EHMT1: variants seen among roughly 807,000 people sequenced by gnomAD.
EHMT1 encodes the protein euchromatic histone lysine methyltransferase 1, also known as histone-lysine N-methyltransferase EHMT1.
Under a neutral mutation model 147.2 loss-of-function variants are expected in EHMT1, and 15 were observed. That is an observed-to-expected ratio of 0.10 (90% CI 0.07 to 0.16). EHMT1 has a LOEUF of 0.16. Among genes scored for constraint, EHMT1 ranks in the 10% least tolerant of loss-of-function variants. EHMT1 has a pLI of 1.00. For missense variants in EHMT1, 1,587 were observed against 1,772.4 expected (o/e 0.90, Z 1.88); for synonymous variants, 795 against 709.6 (o/e 1.12, Z -1.91).
rs1320337486 is a variant in EHMT1 at position 137,790,981 on chromosome 9, C to T, written c.2505+11C>T. The T allele has an allele frequency of 1.9e-6, 3 of 1,614,210 alleles. No homozygotes were observed. The highest frequency in any genetic ancestry group is 2.5e-6 in the Non-Finnish European group (3 of 1,180,042). On this transcript the variant is annotated intron_variant, in intron 16 of 26. Coordinates refer to ENST00000460843, the MANE Select transcript of EHMT1 (RefSeq NM_024757.5). Reference sequence around the variant, plus strand: ...CTGGTGGATCCCAAGGTATGTTCCCCTGTCAGAATCAACGTCCTAGTGTGT... The same window carrying T: ...CTGGTGGATCCCAAGGTATGTTCCCTTGTCAGAATCAACGTCCTAGTGTGT...
intron 1 of EHMT1, among the ~76,000 whole-genome samples, chr9:137,666,387 G>A (rs1589165761): frequency 6.6e-6 from 1 of 152,232 alleles, no homozygotes. Flanking sequence ...TATAAAGAGC[G>A]TGCTTGAACT....
intron 10 of EHMT1, chr9:137,763,190 T>G: frequency 2.7e-6 from 1 of 364,378 alleles, no homozygotes; most frequent in Admixed American, 4.9e-5. Flanking sequence ...GAACTGTGGT[T>G]TCCTGCAGGG....
chr9:137,724,399 C>A (rs993668889), intron 3 of EHMT1, among the ~76,000 whole-genome samples: 2 of 152,174 alleles, frequency 1.3e-5, no homozygotes, highest in Non-Finnish European at 1.5e-5. Flanking sequence ...ATGGGCCGGC[C>A]GTGCTGCCTC....
At chr9:137,666,676 C>G (rs1939692013) in intron 1 of EHMT1, among the ~76,000 whole-genome samples, 1 of 152,226 alleles carries the variant, frequency 6.6e-6, no homozygotes, top group Non-Finnish European at 1.5e-5. Context: ...GAGCCTCCCC[C>G]TCGGAGCCTG....
chr9:137,643,201 T>A (rs968783841), intron 1 of EHMT1, among the ~76,000 whole-genome samples: 61 of 152,078 alleles, frequency 4.0e-4, no homozygotes, highest in African/African-American at 1.4e-3. Context: ...TCTCTATTCA[T>A]GTGGGCTTGA....
rs939086497 is a variant in EHMT1 at position 137,690,622 on chromosome 9, T to C, written c.22-20345T>C. Among the ~76,000 whole-genome samples the C allele has an allele frequency of 4.8e-4, 73 of 152,050 alleles. 1 individual carries two copies. The highest frequency in any genetic ancestry group is 2.1e-4 in the Non-Finnish European group (14 of 68,014). The stretch of plus-strand genomic sequence containing the variant: ...TCTTGCTGTGTCGCCCAGGCTGGAG[T>C]GCAGTGGCGCGATCTCGGCTCACTG... On this transcript the variant is annotated intron_variant, in intron 1 of 26. Coordinates refer to ENST00000460843, the MANE Select transcript of EHMT1 (RefSeq NM_024757.5).
At chr9:137,710,452 G>A (rs182245518) in intron 1 of EHMT1, among the ~76,000 whole-genome samples, 4 of 152,314 alleles carry the variant, frequency 2.6e-5, no homozygotes, top group Non-Finnish European at 5.9e-5. Flanking sequence ...CAGCCTGGGC[G>A]AGAGAGTGAA....
At chr9:137,664,108 TG>T (rs1353825674) in intron 1 of EHMT1, among the ~76,000 whole-genome samples, 1 of 152,114 alleles carries the variant, frequency 6.6e-6, no homozygotes, top group African/African-American at 2.4e-5. Flanking sequence ...TCTCATTGTG[TG>T]GCCCAGGCTG....
intron 1 of EHMT1, among the ~76,000 whole-genome samples, chr9:137,674,038 GC>G (rs1940971816): frequency 1.3e-5 from 2 of 152,192 alleles, no homozygotes; most frequent in Non-Finnish European, 2.9e-5. Flanking sequence ...AGCTAAAGCT[GC>G]TTTTTTCACA....
At chr9:137,645,717 G>A (rs1844837953) in intron 1 of EHMT1, among the ~76,000 whole-genome samples, 1 of 152,042 alleles carries the variant, frequency 6.6e-6, no homozygotes, top group African/African-American at 2.4e-5. Context: ...TGTACTTGCA[G>A]CGCTGAGTGG....
chr9:137,733,600 C>CAGG (rs1947296778), intron 4 of EHMT1, among the ~76,000 whole-genome samples: 1 of 152,190 alleles, frequency 6.6e-6, no homozygotes, highest in African/African-American at 2.4e-5. Flanking sequence ...TGCGGTGTTC[C>CAGG]TGGAACAGTG....
rs113668734 is a variant in EHMT1, at chr9:137,793,453, C to T, written c.2505+2483C>T. Among the ~76,000 whole-genome samples the T allele has an allele frequency of 5.8e-3, 883 of 152,348 alleles. 8 individuals are homozygous for T. Among genetic ancestry groups the T allele is most frequent in the African/African-American group, 0.019 (774 of 41,578 alleles). On this transcript the variant is annotated intron_variant, in intron 16 of 26. Transcript: ENST00000460843. ...CACGCGTTGCTAGTGGGGATGTAAA[C>T]GCTGCAGCCATTGTGGAAACCAGTC...
intron 4 of EHMT1, among the ~76,000 whole-genome samples, chr9:137,735,494 A>C (rs1318134969): frequency 6.6e-6 from 1 of 152,250 alleles, no homozygotes; most frequent in African/African-American, 2.4e-5. Context: ...GGGACGAAAA[A>C]AGCTATAATA....
chr9:137,769,097 A>G (rs979314298), intron 10 of EHMT1, among the ~76,000 whole-genome samples: 1 of 152,202 alleles, frequency 6.6e-6, no homozygotes, highest in Non-Finnish European at 1.5e-5. Flanking sequence ...TGGAGTGTAC[A>G]ATACACATCT....
In EHMT1 at chr9:137,716,878, A is replaced by T; in HGVS notation, c.338A>T (p.Asp113Val). The change falls in exon 3 of 27, where the codon GAC becomes GTC. Residue 113 changes from aspartate (D) to valine (V), a missense_variant. By Grantham distance (152) the Asp-to-Val change is radical. Coordinates refer to ENST00000460843, the MANE Select transcript of EHMT1 (RefSeq NM_024757.5). ...AAGCAAAACCACGTCACTGCCGACG[A>T]CTTTGTGCAGACTTCTGTCATCGGC... is the stretch of plus-strand genomic sequence containing the variant. ...AAKQNHVTADDFVQTSVIGSN... is the reference protein window; with the variant it reads ...AAKQNHVTADVFVQTSVIGSN... 1 of 1,613,278 alleles carries T rather than the reference A, an allele frequency of 6.2e-7. No homozygotes were observed. The highest frequency in any genetic ancestry group is 8.5e-7 in the Non-Finnish European group (1 of 1,179,912).
chr9:137,738,583 CT>C (rs1947763130), intron 4 of EHMT1: 1 of 152,118 alleles, frequency 6.6e-6, no homozygotes, highest in Non-Finnish European at 1.5e-5. Flanking sequence ...TGAAGAGATG[CT>C]TGTACACCCA....
intron 16 of EHMT1, among the ~76,000 whole-genome samples, chr9:137,791,795 A>G (rs890733068): frequency 3.9e-5 from 6 of 152,134 alleles, no homozygotes; most frequent in African/African-American, 1.4e-4. Flanking sequence ...GCAGTGGCAC[A>G]ATCTCGGCCT....
chr9:137,641,575 T>C (rs928311366), intron 1 of EHMT1: 5 of 294,712 alleles, frequency 1.7e-5, no homozygotes, highest in African/African-American at 6.8e-5. Flanking sequence ...AATTTGTCTA[T>C]GTTCGCTCTC....
intron 3 of EHMT1, among the ~76,000 whole-genome samples, chr9:137,724,135 G>C (rs1448644784): frequency 6.6e-6 from 1 of 152,224 alleles, no homozygotes; most frequent in Non-Finnish European, 1.5e-5. Flanking sequence ...CTCACCTCCT[G>C]GTACCCACTC....
Sources: allele counts gnomAD v4.1 joint callset (sites outside exome capture counted in the v4.1 genomes callset), GRCh38; gene constraint gnomAD v4.1.1; transcripts MANE v1.5; gene names NCBI Gene and HGNC (gene_info 2026-07-23, HGNC 2026-07-21).